Variants in ZMYND11 observed in about 807,000 individuals in gnomAD.
ZMYND11 encodes the protein zinc finger MYND domain-containing protein 11.
Under a neutral mutation model 84.9 loss-of-function variants are expected in ZMYND11, and 9 were observed. That is an observed-to-expected ratio of 0.11 (90% CI 0.06 to 0.18). The LOEUF (loss-of-function observed/expected upper bound fraction) is 0.18. Ranked by LOEUF, ZMYND11 falls within the 10% of genes least tolerant of loss-of-function variation. The probability of loss-of-function intolerance (pLI) is 1.00; values close to 1 mark genes in which losing one functional copy is unlikely to be tolerated. For missense variants in ZMYND11, 409 were observed against 761.0 expected, an observed-to-expected ratio of 0.54 and a Z score of 5.44; for synonymous variants, 250 against 244.1, an observed-to-expected ratio of 1.02 and a Z score of -0.23.
chr10:157,654 G>T (rs1842022813), intron 1 of ZMYND11, among the ~76,000 whole-genome samples: 1 of 152,138 alleles, frequency 6.6e-6, no homozygotes, highest in Non-Finnish European at 1.5e-5. Context: ...GTAATTCTTT[G>T]TAAGTTCATA....
intron 4 of ZMYND11, among the ~76,000 whole-genome samples, chr10:231,637 T>C (rs1949030302): frequency 6.6e-6 from 1 of 152,216 alleles, no homozygotes; most frequent in African/African-American, 2.4e-5. Context: ...TGGCCAATAG[T>C]GTCTTCCAGG....
intron 2 of ZMYND11, among the ~76,000 whole-genome samples, chr10:188,030 G>A (rs1939216257): frequency 6.6e-6 from 1 of 152,204 alleles, no homozygotes; most frequent in African/African-American, 2.4e-5. Flanking sequence ...ACAGGCAATA[G>A]CAGCTTCTCT....
At chr10:159,573 A>G (rs1235227569) in intron 1 of ZMYND11, among the ~76,000 whole-genome samples, 2 of 152,082 alleles carry the variant, frequency 1.3e-5, no homozygotes, top group East Asian at 1.9e-4. Context: ...TCGTTTGCTC[A>G]TTTTTTTAAA....
rs976248319 is a variant in ZMYND11, at chr10:180,245, A to G, written c.116+117A>G. 7.6e-6 allele frequency: 5 copies of G among 657,270 alleles called. No individual in the cohort carries two copies. The Admixed American group carries it at 9.7e-5, about 13-fold the overall frequency. The allele number at this position is 657,270 out of a possible 1,614,324, so 40.7% of individuals were successfully genotyped here. A position where few individuals can be genotyped will look rare whatever the true frequency, so the allele number is the denominator to read the frequency against. On this transcript the variant is annotated intron_variant, in intron 2 of 14. Transcript: ENST00000381604. ...ACATATATTACAAAGAACTGAAGAC[A>G]CTTTTTGCTTTGCAGGAGTATTATT...
chr10:236,822 CTT>C lies in ZMYND11; in HGVS notation c.439-8_439-7del, dbSNP rs35064335. ...ATCAGATTTTGTACCTTTTTTTATTCTTTTTTTTTCAATAGAGCATTAAGAAG... is the reference window on the plus strand; with the variant it reads ...ATCAGATTTTGTACCTTTTTTTATTCTTTTTTTCAATAGAGCATTAAGAAG... On this transcript the variant is annotated splice_polypyrimidine_tract_variant and intron_variant, in intron 4 of 14. Transcript: ENST00000381604. 6.4e-7 allele frequency: 1 copy of C among 1,573,108 alleles called. No individual in the cohort carries two copies. Among genetic ancestry groups the C allele is most frequent in the East Asian group, 2.3e-5 (1 of 43,898 alleles).
upstream of ZMYND11, chr10:135,167 C>A (rs1247382133): frequency 6.6e-6 from 1 of 150,394 alleles, no homozygotes; most frequent in African/African-American, 2.4e-5. This position sits in a 1 kb window ranked among gnomAD's most constrained non-coding sequence, Gnocchi z 5.6. Flanking sequence ...CCGCCCGCTC[C>A]GGCCCCGCAG....
intron 1 of ZMYND11, among the ~76,000 whole-genome samples, chr10:137,879 T>C (rs1323158827): frequency 6.6e-6 from 1 of 152,208 alleles, no homozygotes; most frequent in Non-Finnish European, 1.5e-5. Context: ...TTGACTCTGT[T>C]ACTTAAAGGA....
At chr10:148,596 A>G (rs1839485137) in intron 1 of ZMYND11, 1 of 152,376 alleles carries the variant, frequency 6.6e-6, no homozygotes, top group Non-Finnish European at 1.5e-5. Context: ...GCAGTGCCTG[A>G]TAATTTCCAC....
Position 246,859 on chromosome 10 carries a change from T to A in ZMYND11, c.1044T>A (p.Asp348Glu), listed in dbSNP as rs1329481336. The A allele has an allele frequency of 6.2e-7, 1 of 1,614,164 alleles. No individual in the cohort carries two copies. Among genetic ancestry groups the A allele is most frequent in the Non-Finnish European group, 8.5e-7 (1 of 1,180,024 alleles). The change falls in exon 11 of 15, where the codon GAT becomes GAA. Residue 348 changes from aspartate to glutamate, a missense_variant. Coordinates refer to ENST00000381604, the MANE Select transcript of ZMYND11 (RefSeq NM_001370100.5). ...KRSMGWKKAC[D>E]ELELHQRFLR... ...GTATGGGTTGGAAAAAGGCCTGTGA[T>A]GAGCTGGAGCTGCATCAGCGTTTCC...
At chr10:176,407 T>C (rs185476673) in intron 1 of ZMYND11, among the ~76,000 whole-genome samples, 1 of 152,296 alleles carries the variant, frequency 6.6e-6, no homozygotes, top group African/African-American at 2.4e-5. Context: ...ACAAAGAGTC[T>C]TCTGTTCTTT....
chr10:187,092 G>T (rs1221523623), intron 2 of ZMYND11, among the ~76,000 whole-genome samples: 1 of 152,056 alleles, frequency 6.6e-6, no homozygotes. Context: ...AGCCAAGCAT[G>T]GTGGTGCGTG....
intron 1 of ZMYND11, among the ~76,000 whole-genome samples, chr10:166,982 AAGAC>A (rs1194643727): frequency 6.6e-6 from 1 of 152,208 alleles, no homozygotes; most frequent in Non-Finnish European, 1.5e-5. Flanking sequence ...TAATTGAAAT[AAGAC>A]AGACACAAAA....
At chr10:158,849 G>A (rs1477038321) in intron 1 of ZMYND11, among the ~76,000 whole-genome samples, 2 of 151,838 alleles carry the variant, frequency 1.3e-5, no homozygotes, top group Non-Finnish European at 2.9e-5. Context: ...CTGGCCATTT[G>A]TGTATCTTTT....
At chr10:244,076 ACT>A (rs1379197783) in intron 10 of ZMYND11, among the ~76,000 whole-genome samples, 2 of 152,340 alleles carry the variant, frequency 1.3e-5, no homozygotes, top group Non-Finnish European at 1.5e-5. Flanking sequence ...TGACAAACTC[ACT>A]GTGTAAAATC....
intron 1 of ZMYND11, among the ~76,000 whole-genome samples, chr10:152,950 C>T (rs782727200): frequency 6.6e-6 from 1 of 152,208 alleles, no homozygotes; most frequent in Non-Finnish European, 1.5e-5. Flanking sequence ...ACAACCTGCT[C>T]CTGAATGACT....
At chr10:160,033 A>G (rs1437887688) in intron 1 of ZMYND11, among the ~76,000 whole-genome samples, 4 of 152,152 alleles carry the variant, frequency 2.6e-5, no homozygotes, top group Non-Finnish European at 4.4e-5. Context: ...GTAAGAAGGG[A>G]TATAGTGAGG....
chr10:180,810 T>C (rs1847729158), intron 2 of ZMYND11, among the ~76,000 whole-genome samples: 1 of 152,258 alleles, frequency 6.6e-6, no homozygotes, highest in Admixed American at 6.5e-5. Flanking sequence ...GCATGGTATG[T>C]GTAGTAAGAA....
At chr10:170,429 T>C (rs1012324091) in intron 1 of ZMYND11, among the ~76,000 whole-genome samples, 5 of 37,180 alleles carry the variant, frequency 1.3e-4, no homozygotes, top group Admixed American at 8.8e-4. Context: ...TGATTATGTG[T>C]GCGTGTGTGT....
intron 1 of ZMYND11, among the ~76,000 whole-genome samples, chr10:153,918 T>G (rs559982384): frequency 1.3e-5 from 2 of 152,328 alleles, no homozygotes; most frequent in African/African-American, 4.8e-5. Context: ...GCCTTCAAAT[T>G]TAACGGTTTC....
Sources: gnomAD v4.1 joint callset for allele counts (sites outside exome capture counted in the v4.1 genomes callset) on GRCh38, gnomAD v4.1.1 for gene constraint, Gnocchi (gnomAD v3.1) non-coding constraint, MANE v1.5 for transcripts, NCBI Gene and HGNC (gene_info 2026-07-23, HGNC 2026-07-21) for gene names.